SLC25A13: variants seen among roughly 807,000 people sequenced by gnomAD.
SLC25A13 encodes solute carrier family 25 member 13.
A neutral mutation model predicts 85.5 loss-of-function variants in SLC25A13; 70 were observed. The ratio of observed to expected loss-of-function variants is 0.82; its 90% CI spans 0.68 to 1.00. The LOEUF (loss-of-function observed/expected upper bound fraction) is 1.00, where lower values mean the gene tolerates loss of function less well. Ranked by LOEUF, SLC25A13 falls within the 50% of genes least tolerant of loss-of-function variation. The probability of loss-of-function intolerance (pLI) is 0.00; values close to 1 mark genes in which losing one functional copy is unlikely to be tolerated. For missense variants in SLC25A13, 765 were observed against 819.8 expected (o/e 0.93, Z 0.82); for synonymous variants, 259 against 288.7 (o/e 0.90, Z 1.04).
chr7:96,143,543 T>C (rs1792654234), intron 14 of SLC25A13, among the ~76,000 whole-genome samples: 1 of 152,228 alleles, frequency 6.6e-6, no homozygotes, highest in Non-Finnish European at 1.5e-5. Flanking sequence ...CTCTGTGCTA[T>C]AACTAAATCT....
chr7:96,211,881 G>A (rs971298572), intron 4 of SLC25A13, among the ~76,000 whole-genome samples: 1 of 152,020 alleles, frequency 6.6e-6, no homozygotes, highest in Non-Finnish European at 1.5e-5. Flanking sequence ...CATGTTGAGG[G>A]GCTGAAAAAA....
intron 17 of SLC25A13, 57 bp from the exon 18 acceptor site, chr7:96,121,434 A>G: frequency 6.3e-7 from 1 of 1,582,150 alleles, no homozygotes; most frequent in African/African-American, 1.3e-5. Context: ...TTAACTTGAT[A>G]AAAATAACAT....
chr7:96,171,370 A>C, intron 12 of SLC25A13, 102 bp downstream of exon 12: 1 of 1,024,242 alleles, frequency 9.8e-7, no homozygotes, highest in Non-Finnish European at 1.5e-6. Flanking sequence ...ATTAGCTAGC[A>C]CCTCTGAGAA....
At chr7:96,260,635 A>G (rs1217430867) in intron 3 of SLC25A13, among the ~76,000 whole-genome samples, 1 of 152,054 alleles carries the variant, frequency 6.6e-6, no homozygotes, top group African/African-American at 2.4e-5. Context: ...AGAACTCTTA[A>G]TTTTGCTTCC....
intron 13 of SLC25A13, among the ~76,000 whole-genome samples, chr7:96,166,334 C>T (rs1793740031): frequency 6.6e-6 from 1 of 152,190 alleles, no homozygotes; most frequent in South Asian, 2.1e-4. Flanking sequence ...CTACACAATA[C>T]TATTACTTTC....
intron 13 of SLC25A13, among the ~76,000 whole-genome samples, chr7:96,154,407 A>G (rs1422374315): frequency 6.6e-6 from 1 of 150,534 alleles, no homozygotes; most frequent in Non-Finnish European, 1.5e-5. Flanking sequence ...AGCGATTCTC[A>G]GGCCTCAGTC....
At chr7:96,184,063 A>G (rs2116628176) in intron 11 of SLC25A13, among the ~76,000 whole-genome samples, 1 of 152,310 alleles carries the variant, frequency 6.6e-6, no homozygotes, top group African/African-American at 2.4e-5. Context: ...AATAAAACAT[A>G]CAACAGAGCA....
At chr7:96,168,340 G>A (rs1793859331) in intron 13 of SLC25A13, among the ~76,000 whole-genome samples, 1 of 152,054 alleles carries the variant, frequency 6.6e-6, no homozygotes, top group South Asian at 2.1e-4. Flanking sequence ...TGAGATGAAG[G>A]ATGGCAAACC....
rs375058736 is a variant in SLC25A13, at chr7:96,261,543, A to T, written c.212+15653T>A. Among the ~76,000 whole-genome samples, 28 of 152,266 alleles carry T rather than the reference A, an allele frequency of 1.8e-4. No homozygotes were observed. The East Asian group carries it at 4.8e-3, about 26-fold the overall frequency. ...TGCTTATTCCAGACTGAAGATCTCA[A>T]AACCTTTACATCAGATTGCAAGAGA... On this transcript the variant is annotated intron_variant, in intron 3 of 17. Coordinates refer to ENST00000265631, the MANE Select transcript of SLC25A13 (RefSeq NM_014251.3).
rs116508563 is a variant in SLC25A13 at position 96,129,130 on chromosome 7, C to T, written c.1591+2613G>A. 9.1e-3 allele frequency among the ~76,000 whole-genome samples: 1,384 copies of T among 152,244 alleles called. 22 individuals carry two copies. The highest frequency in any genetic ancestry group is 0.032 in the African/African-American group (1,331 of 41,524). Reference sequence around the variant, plus strand: ...AGTGGCTTCTCCAATGTCAGTCAAGCCTGGCTGCTACTGTGACTGCAACTT... The same window carrying T: ...AGTGGCTTCTCCAATGTCAGTCAAGTCTGGCTGCTACTGTGACTGCAACTT... On this transcript the variant is annotated intron_variant, in intron 15 of 17. Transcript: ENST00000265631.
At chr7:96,192,682 C>T (rs371727569) in intron 6 of SLC25A13, among the ~76,000 whole-genome samples, 38 of 56,766 alleles carry the variant, frequency 6.7e-4, no homozygotes, top group African/African-American at 1.6e-3. Context: ...TACATGTGCA[C>T]TATTTTTTTT....
intron 2 of SLC25A13, among the ~76,000 whole-genome samples, chr7:96,278,813 T>C (rs1420724610): frequency 6.6e-6 from 1 of 152,168 alleles, no homozygotes; most frequent in Non-Finnish European, 1.5e-5. Flanking sequence ...TTTTTGGACA[T>C]GTAAAGAATT....
At chr7:96,202,235 G>C (rs1294575187) in intron 5 of SLC25A13, among the ~76,000 whole-genome samples, 1 of 152,156 alleles carries the variant, frequency 6.6e-6, no homozygotes, top group Non-Finnish European at 1.5e-5. Context: ...TGAATGACCA[G>C]TCTGGGATGC....
intron 2 of SLC25A13, among the ~76,000 whole-genome samples, chr7:96,294,284 G>A (rs1799253314): frequency 6.6e-6 from 1 of 151,318 alleles, no homozygotes; most frequent in Non-Finnish European, 1.5e-5. Context: ...CTGTTGTGGG[G>A]TGGGGGGAGG....
intron 4 of SLC25A13, among the ~76,000 whole-genome samples, chr7:96,232,856 C>T (rs1162438649): frequency 6.6e-6 from 1 of 152,180 alleles, no homozygotes; most frequent in African/African-American, 2.4e-5. Flanking sequence ...TGTCCTTCAG[C>T]TAGTAAGAAG....
Position 96,193,127 on chromosome 7 carries a change from A to G in SLC25A13, c.525T>C (p.Thr175=), listed in dbSNP as rs774496891. The G allele has an allele frequency of 6.2e-7, 1 of 1,614,164 alleles. No homozygotes were observed. The highest frequency in any genetic ancestry group is 8.5e-7 in the Non-Finnish European group (1 of 1,180,006). ...QAFVQRDNAR[T]GRVTAIDFRD... Reference sequence around the variant, plus strand: ...GGAAGTCGATGGCTGTGACTCTCCCAGTCCTAGCATTGTCCCGTTGCACAA... The same window carrying G: ...GGAAGTCGATGGCTGTGACTCTCCCGGTCCTAGCATTGTCCCGTTGCACAA... The change falls in exon 6 of 18, where the codon ACT becomes ACC. Residue 175 remains threonine, a synonymous_variant. Transcript: ENST00000265631.
At chr7:96,231,536 C>T (rs1044394928) in intron 4 of SLC25A13, among the ~76,000 whole-genome samples, 2 of 151,954 alleles carry the variant, frequency 1.3e-5, no homozygotes, top group African/African-American at 4.8e-5. Flanking sequence ...ACCATCCTGA[C>T]CAATATGGTA....
chr7:96,305,450 A>C (rs1799709370), intron 1 of SLC25A13, among the ~76,000 whole-genome samples: 1 of 152,216 alleles, frequency 6.6e-6, no homozygotes, highest in African/African-American at 2.4e-5. Flanking sequence ...TTTATGCTGA[A>C]TTCAGTCTCA....
intron 3 of SLC25A13, among the ~76,000 whole-genome samples, chr7:96,274,088 G>C (rs1365384890): frequency 6.6e-6 from 1 of 152,132 alleles, no homozygotes; most frequent in Non-Finnish European, 1.5e-5. Flanking sequence ...GGAACAGAGA[G>C]AGAAGGCATA....
Sources: allele counts gnomAD v4.1 joint callset (sites outside exome capture counted in the v4.1 genomes callset), GRCh38; gene constraint gnomAD v4.1.1; transcripts MANE v1.5; gene names NCBI Gene and HGNC (gene_info 2026-07-23, HGNC 2026-07-21).